The following ULK4 variants were observed in gnomAD, a reference collection of about 807,000 sequenced individuals.
ULK4 encodes the protein unc-51 like kinase 4.
Under a neutral mutation model 160.6 loss-of-function variants are expected in ULK4, and 133 were observed. The observed-to-expected ratio is 0.83, with a 90% CI of 0.72 to 0.96. ULK4 has a LOEUF of 0.96. Ranked by LOEUF, ULK4 falls within the 40% of genes least tolerant of loss-of-function variation. The probability of loss-of-function intolerance (pLI) is 0.00; values close to 1 mark genes in which losing one functional copy is unlikely to be tolerated. For synonymous variants in ULK4, 534 were observed against 539.8 expected (o/e 0.99, Z 0.15); for missense variants, 1,580 against 1,499.5 (o/e 1.05, Z -0.89).
chr3:41,839,038 T>C (rs1159474047), intron 17 of ULK4, among the ~76,000 whole-genome samples: 1 of 152,170 alleles, frequency 6.6e-6, no homozygotes, highest in African/African-American at 2.4e-5. Flanking sequence ...ATAACACTTA[T>C]TTCACAATTG....
Position 41,835,979 on chromosome 3 carries a change from GAC to G in ULK4, c.1657-10_1657-9del. The G allele has an allele frequency of 7.4e-7, 1 of 1,343,126 alleles. No individual in the cohort carries two copies. Among genetic ancestry groups the G allele is most frequent in the South Asian group, 1.4e-5 (1 of 72,644 alleles). The allele number at this position is 1,343,126 out of a possible 1,614,324, so 83.2% of individuals were successfully genotyped here. ...AGTTAAGAGAACAATTGCCTGCAAAGACAAAAAAAAAAAAAGTAAATTATTTC... is the reference window on the plus strand; with the variant it reads ...AGTTAAGAGAACAATTGCCTGCAAAGAAAAAAAAAAAAAGTAAATTATTTC... On this transcript the variant is annotated splice_polypyrimidine_tract_variant and intron_variant, in intron 17 of 36. Coordinates refer to ENST00000301831, the MANE Select transcript of ULK4 (RefSeq NM_017886.4).
chr3:41,899,611 A>C (rs1698281277), intron 13 of ULK4, among the ~76,000 whole-genome samples: 1 of 152,064 alleles, frequency 6.6e-6, no homozygotes, highest in South Asian at 2.1e-4. Context: ...TTTTTTTTGC[A>C]ATTTTTTTTG....
At chr3:41,281,261 C>T (rs910809646) in intron 35 of ULK4, among the ~76,000 whole-genome samples, 4 of 152,068 alleles carry the variant, frequency 2.6e-5, no homozygotes, top group Admixed American at 1.3e-4. Context: ...GAAAATATTC[C>T]AATCAATAGA....
At chr3:41,808,051 A>G (rs2040703744) in intron 19 of ULK4, among the ~76,000 whole-genome samples, 1 of 152,140 alleles carries the variant, frequency 6.6e-6, no homozygotes, top group South Asian at 2.1e-4. Flanking sequence ...CAGGTACCCT[A>G]CTTGGAGACC....
intron 25 of ULK4, 36 bp downstream of exon 25, chr3:41,715,201 T>C (rs1575599264): frequency 6.2e-7 from 1 of 1,600,126 alleles, no homozygotes; most frequent in East Asian, 2.2e-5. Flanking sequence ...GAAGTCACAA[T>C]TTTATTAGAA....
intron 5 of ULK4, among the ~76,000 whole-genome samples, chr3:41,924,757 C>G (rs1699318739): frequency 6.6e-6 from 1 of 152,040 alleles, no homozygotes; most frequent in South Asian, 2.1e-4. Flanking sequence ...GTTTAATTTC[C>G]TTTAGTCCTA....
chr3:41,735,755 T>A (rs142932713), intron 22 of ULK4, among the ~76,000 whole-genome samples: 4,159 of 150,754 alleles, frequency 0.028, 200 homozygotes, highest in African/African-American at 0.097. Flanking sequence ...TGTGCAGGTT[T>A]GTTACATATG....
At chr3:41,589,929 C>T (rs888239339) in intron 31 of ULK4, among the ~76,000 whole-genome samples, 1 of 151,418 alleles carries the variant, frequency 6.6e-6, no homozygotes, top group Non-Finnish European at 1.5e-5. Flanking sequence ...TAAAGACACA[C>T]AATAAGCTCA....
intron 16 of ULK4, among the ~76,000 whole-genome samples, chr3:41,892,033 T>A (rs1336502903): frequency 6.6e-6 from 1 of 152,254 alleles, no homozygotes; most frequent in South Asian, 2.1e-4. Context: ...CTTTACCTTA[T>A]TCAAGTATAA....
At chr3:41,805,796 GC>G (rs1281803329) in intron 19 of ULK4, among the ~76,000 whole-genome samples, 1 of 146,322 alleles carries the variant, frequency 6.8e-6, no homozygotes, top group Non-Finnish European at 1.5e-5. Context: ...TTATTGATTT[GC>G]GTATATTGAA....
intron 17 of ULK4, among the ~76,000 whole-genome samples, chr3:41,861,777 A>C (rs1253766598): frequency 6.6e-6 from 1 of 151,950 alleles, no homozygotes; most frequent in African/African-American, 2.4e-5. Flanking sequence ...AATAACGTTT[A>C]GACTTTCTCT....
At chr3:41,749,759 G>C (rs2038551777) in intron 22 of ULK4, among the ~76,000 whole-genome samples, 1 of 152,100 alleles carries the variant, frequency 6.6e-6, no homozygotes, top group Non-Finnish European at 1.5e-5. Context: ...TAATCTGAGT[G>C]AGCCTAAGCT....
At chr3:41,930,666 A>G (rs1433609763) in intron 5 of ULK4, among the ~76,000 whole-genome samples, 2 of 152,230 alleles carry the variant, frequency 1.3e-5, no homozygotes, top group African/African-American at 4.8e-5. Flanking sequence ...AACCCCATCA[A>G]AAAGTGGGCA....
chr3:41,557,806 T>G (rs1420090706), intron 32 of ULK4, among the ~76,000 whole-genome samples: 1 of 151,904 alleles, frequency 6.6e-6, no homozygotes, highest in Non-Finnish European at 1.5e-5. Flanking sequence ...AAAAATAAAT[T>G]GGAATATATA....
intron 35 of ULK4, among the ~76,000 whole-genome samples, chr3:41,364,057 G>A (rs1240310417): frequency 2.0e-5 from 3 of 151,986 alleles, no homozygotes; most frequent in Non-Finnish European, 4.4e-5. Context: ...TCAGCCTCCT[G>A]AGTAGCTAGG....
At position 41,604,251 on chromosome 3, in the gene ULK4, CGA is replaced by C. The variant is rs534901924; in HGVS notation, c.3120+11416_3120+11417del. On this transcript the variant is annotated intron_variant, in intron 31 of 36. Transcript: ENST00000301831. ...AGGGAAAGAGAGAGATGACACGAGG[CGA>C]GAGAGGCAACCATGGCCAGATCATG... Among the ~76,000 whole-genome samples the C allele has an allele frequency of 9.2e-5, 14 of 151,936 alleles. 1 individual carries two copies. The South Asian group carries it at 2.9e-3, about 32-fold the overall frequency.
chr3:41,263,032 C>G (rs1216442852), intron 35 of ULK4, among the ~76,000 whole-genome samples: 1 of 152,108 alleles, frequency 6.6e-6, no homozygotes, highest in Non-Finnish European at 1.5e-5. Context: ...TACCGTTTTG[C>G]CCAGGAGGAC....
intron 34 of ULK4, among the ~76,000 whole-genome samples, chr3:41,435,796 A>G (rs1575555499): frequency 6.6e-6 from 1 of 152,100 alleles, no homozygotes; most frequent in East Asian, 1.9e-4. Flanking sequence ...AAAATATAAA[A>G]ATTAGCTGGG....
At chr3:41,762,704 C>T (rs923377727) in intron 21 of ULK4, among the ~76,000 whole-genome samples, 3 of 147,348 alleles carry the variant, frequency 2.0e-5, no homozygotes, top group African/African-American at 7.5e-5. Context: ...GCTCTGTCGC[C>T]CAGGCTGGAG....
Sources: allele counts gnomAD v4.1 joint callset (sites outside exome capture counted in the v4.1 genomes callset), GRCh38; gene constraint gnomAD v4.1.1; transcripts MANE v1.5; gene names NCBI Gene and HGNC (gene_info 2026-07-23, HGNC 2026-07-21).